Variants in FRMD5 observed in about 807,000 individuals in gnomAD.
FRMD5 encodes FERM domain containing 5.
FRMD5 carries 20 observed loss-of-function variants against 69.0 expected under a neutral mutation model. The observed-to-expected ratio is 0.29, with a 90% CI of 0.20 to 0.42. The LOEUF (loss-of-function observed/expected upper bound fraction) is 0.42, where lower values mean the gene tolerates loss of function less well. Ranked by LOEUF, FRMD5 falls within the 10% of genes least tolerant of loss-of-function variation. FRMD5 has a pLI of 1.00. For synonymous variants in FRMD5, 271 were observed against 260.1 expected, an observed-to-expected ratio of 1.04 and a Z score of -0.40; for missense variants, 595 against 708.6, an observed-to-expected ratio of 0.84 and a Z score of 1.82.
intron 1 of FRMD5, among the ~76,000 whole-genome samples, chr15:44,088,535 C>T (rs1192707142): frequency 6.6e-6 from 1 of 152,134 alleles, no homozygotes; most frequent in African/African-American, 2.4e-5. Flanking sequence ...CATGTGTGCA[C>T]CTCTGACAGC....
At chr15:43,990,134 G>T in intron 1 of FRMD5, 1 of 621,576 alleles carries the variant, frequency 1.6e-6, no homozygotes, top group Non-Finnish European at 3.1e-6. Context: ...AGCTGGCCTT[G>T]CACATGCCAG....
chr15:44,083,692 C>G (rs556090810), intron 1 of FRMD5, among the ~76,000 whole-genome samples: 5 of 152,024 alleles, frequency 3.3e-5, no homozygotes, highest in Admixed American at 1.3e-4. Context: ...TAAAAGTGGA[C>G]TTGGAATAAA....
At chr15:43,999,966 A>ATGC (rs1221577340) in intron 1 of FRMD5, among the ~76,000 whole-genome samples, 2 of 76,986 alleles carry the variant, frequency 2.6e-5, no homozygotes, top group East Asian at 3.7e-4. Flanking sequence ...ATATATATAT[A>ATGC]TATATATATA....
chr15:43,982,820 T>A (rs2090568746), intron 1 of FRMD5, among the ~76,000 whole-genome samples: 1 of 152,248 alleles, frequency 6.6e-6, no homozygotes, highest in African/African-American at 2.4e-5. Context: ...GTATCTTTTT[T>A]AAATCAGGGT....
At chr15:44,145,803 T>G (rs1384120376) in intron 1 of FRMD5, among the ~76,000 whole-genome samples, 3 of 152,170 alleles carry the variant, frequency 2.0e-5, no homozygotes, top group African/African-American at 7.2e-5. Flanking sequence ...ACAAGTAATT[T>G]AGTGGGCATT....
At chr15:44,158,014 T>C (rs573976535) in intron 1 of FRMD5, among the ~76,000 whole-genome samples, 6 of 152,300 alleles carry the variant, frequency 3.9e-5, no homozygotes, top group Non-Finnish European at 7.4e-5. Context: ...ACCTTTCTAG[T>C]TGAGCATCTG....
At chr15:44,020,779 G>A (rs908808288) in intron 1 of FRMD5, among the ~76,000 whole-genome samples, 1 of 151,948 alleles carries the variant, frequency 6.6e-6, no homozygotes, top group Non-Finnish European at 1.5e-5. Flanking sequence ...AATAAATCAA[G>A]CCCTGATTTG....
chr15:43,968,039 GAA>G (rs199861321), intron 1 of FRMD5, among the ~76,000 whole-genome samples: 9 of 124,688 alleles, frequency 7.2e-5, no homozygotes, highest in Admixed American at 1.7e-4. Context: ...ACACTGATCT[GAA>G]AAAAAAAAAA....
chr15:44,177,048 G>T (rs940073438), intron 1 of FRMD5, among the ~76,000 whole-genome samples: 6 of 151,808 alleles, frequency 4.0e-5, no homozygotes, highest in Non-Finnish European at 8.8e-5. Flanking sequence ...GTGGAAAAGG[G>T]TTTGACAGTT....
rs1893552350 is a variant in FRMD5, at chr15:44,071,834, T to C, written c.102+123119A>G. Among the ~76,000 whole-genome samples, 3 of 152,306 alleles carry C rather than the reference T, an allele frequency of 2.0e-5. No homozygotes were observed. In the South Asian group the frequency reaches 6.2e-4, roughly 32 times the overall value. On this transcript the variant is annotated intron_variant, in intron 1 of 13. Coordinates refer to ENST00000417257, the MANE Select transcript of FRMD5 (RefSeq NM_032892.5). ...TTTTTAAAATCGTTTAATATTCCAC[T>C]ATATACACAAGTGCTTGTATACAAA...
At chr15:43,919,654 A>G (rs1595519369) in intron 3 of FRMD5, 113 bp downstream of exon 3, 5 of 1,440,410 alleles carry the variant, frequency 3.5e-6, no homozygotes, top group Non-Finnish European at 4.9e-6. Flanking sequence ...GGGCCAACTT[A>G]TACTCAGAAC....
In FRMD5 at chr15:43,928,168, G is replaced by A. The variant is rs369645615; in HGVS notation, c.103-3859C>T. On this transcript the variant is annotated intron_variant, in intron 1 of 13. Coordinates refer to ENST00000417257, the MANE Select transcript of FRMD5 (RefSeq NM_032892.5). ...ACCTGGTGAATCCCCCTGCTCCCCC[G>A]CCGTGAAGACATAGTTCCCTCAAGT... Among the ~76,000 whole-genome samples the A allele has an allele frequency of 1.4e-4, 22 of 152,190 alleles. No homozygotes were observed. In the East Asian group the frequency reaches 3.1e-3, roughly 21 times the overall value.
chr15:44,166,125 T>A (rs1197783842), intron 1 of FRMD5, among the ~76,000 whole-genome samples: 4 of 152,218 alleles, frequency 2.6e-5, no homozygotes, highest in Admixed American at 6.5e-5. Flanking sequence ...CTAATTTACA[T>A]AATACATTTG....
intron 1 of FRMD5, among the ~76,000 whole-genome samples, chr15:44,147,923 GAC>G (rs1039188845): frequency 6.6e-6 from 1 of 152,190 alleles, no homozygotes; most frequent in African/African-American, 2.4e-5. Context: ...GGCAAAAAAA[GAC>G]TTTGTCCTTC....
chr15:44,106,003 C>G (rs1241564091), intron 1 of FRMD5, among the ~76,000 whole-genome samples: 3 of 152,114 alleles, frequency 2.0e-5, no homozygotes, highest in African/African-American at 7.2e-5. Context: ...CTTATAATAC[C>G]TAATACAATG....
At chr15:43,901,225 C>T (rs2089038449) in intron 7 of FRMD5, among the ~76,000 whole-genome samples, 1 of 152,190 alleles carries the variant, frequency 6.6e-6, no homozygotes, top group South Asian at 2.1e-4. Context: ...ACCCTGCTGA[C>T]ACCTTATCTC....
At chr15:43,895,220 C>T (rs917170944) in intron 7 of FRMD5, among the ~76,000 whole-genome samples, 2 of 152,066 alleles carry the variant, frequency 1.3e-5, no homozygotes, top group East Asian at 1.9e-4. Flanking sequence ...AGTTAGGAAA[C>T]GAAAATGTGG....
chr15:43,892,164 TGGCAGTA>T (rs2088808710), intron 7 of FRMD5, 95 bp from the exon 8 acceptor site: 1 of 1,038,950 alleles, frequency 9.6e-7, no homozygotes, highest in African/African-American at 1.6e-5. Context: ...GGTTAATACT[TGGCAGTA>T]GGTCACAGAG....
chr15:44,046,647 T>C (rs1183858402), intron 1 of FRMD5, among the ~76,000 whole-genome samples: 1 of 152,226 alleles, frequency 6.6e-6, no homozygotes, highest in African/African-American at 2.4e-5. Flanking sequence ...GCTCTGGAAT[T>C]AAAATACAAT....
Sources: gnomAD v4.1 joint callset for allele counts (sites outside exome capture counted in the v4.1 genomes callset) on GRCh38, gnomAD v4.1.1 for gene constraint, MANE v1.5 for transcripts, NCBI Gene and HGNC (gene_info 2026-07-23, HGNC 2026-07-21) for gene names.